SULF1: variants seen among roughly 807,000 people sequenced by gnomAD.
SULF1 encodes extracellular sulfatase Sulf-1.
Under a neutral mutation model 110.5 loss-of-function variants are expected in SULF1, and 46 were observed. The observed-to-expected ratio is 0.42, with a 90% CI of 0.33 to 0.53. The LOEUF (loss-of-function observed/expected upper bound fraction) is 0.53. SULF1 is among the 20% of genes least tolerant of loss of function. The pLI is 0.12. For missense variants in SULF1, 941 were observed against 1,094.2 expected, an observed-to-expected ratio of 0.86 and a Z score of 1.98; for synonymous variants, 371 against 387.1, an observed-to-expected ratio of 0.96 and a Z score of 0.49.
At chr8:69,625,792 G>A (rs1586580212) in intron 15 of SULF1, among the ~76,000 whole-genome samples, 1 of 152,204 alleles carries the variant, frequency 6.6e-6, no homozygotes, top group Non-Finnish European at 1.5e-5. Flanking sequence ...AGGGGACCCA[G>A]GCAGATTGCC....
At chr8:69,531,061 T>A (rs16936015) in intron 3 of SULF1, among the ~76,000 whole-genome samples, 10,588 of 152,188 alleles carry the variant, frequency 0.07, 817 homozygotes, top group East Asian at 0.41. Flanking sequence ...GAGGGTGATT[T>A]GTCCAAGAAT....
intron 3 of SULF1, among the ~76,000 whole-genome samples, chr8:69,509,445 C>T (rs1311759440): frequency 6.6e-6 from 1 of 152,070 alleles, no homozygotes; most frequent in African/African-American, 2.4e-5. Context: ...CTGGCTTAAG[C>T]CTTCAAAATA....
chr8:69,521,917 G>A (rs1812332087), intron 3 of SULF1, among the ~76,000 whole-genome samples: 2 of 151,586 alleles, frequency 1.3e-5, no homozygotes, highest in African/African-American at 2.4e-5. Context: ...AGCAATAGAA[G>A]TAGCAAAAGT....
chr8:69,497,415 C>G (rs1373439918), intron 2 of SULF1, among the ~76,000 whole-genome samples: 4 of 152,078 alleles, frequency 2.6e-5, no homozygotes, highest in African/African-American at 9.7e-5. Flanking sequence ...CTCACCCTCC[C>G]AAAGTGCTGG....
chr8:69,639,556 G>A (rs1489017530), intron 21 of SULF1, among the ~76,000 whole-genome samples: 2 of 152,198 alleles, frequency 1.3e-5, no homozygotes, highest in African/African-American at 4.8e-5. Context: ...CATGATGTCT[G>A]CAGAAATGTA....
chr8:69,616,165 C>CAT (rs1809111809), intron 13 of SULF1, among the ~76,000 whole-genome samples: 1 of 140,476 alleles, frequency 7.1e-6, no homozygotes, highest in Admixed American at 7.1e-5. Context: ...TGTATATATA[C>CAT]ATATATATGT....
At chr8:69,573,697 C>T (rs1289579387) in intron 5 of SULF1, among the ~76,000 whole-genome samples, 5 of 152,202 alleles carry the variant, frequency 3.3e-5, no homozygotes, top group Non-Finnish European at 7.3e-5. Context: ...ACCTTTCACC[C>T]TCTTTCCACT....
chr8:69,476,046 T>C (rs984735961), intron 1 of SULF1, among the ~76,000 whole-genome samples: 2 of 152,194 alleles, frequency 1.3e-5, no homozygotes, highest in Non-Finnish European at 2.9e-5. Context: ...ACTAAGAGAC[T>C]GTTAGTGGAG....
At chr8:69,634,743 G>T (rs1419784693) in intron 19 of SULF1, among the ~76,000 whole-genome samples, 1 of 150,066 alleles carries the variant, frequency 6.7e-6, no homozygotes. Flanking sequence ...CTGTCTCAAA[G>T]AAAAAAAAAG....
upstream of SULF1, among the ~76,000 whole-genome samples, chr8:69,491,005 C>T (rs1328827528): frequency 1.3e-5 from 2 of 152,074 alleles, no homozygotes; most frequent in Admixed American, 6.5e-5. Context: ...GAACTTGAGG[C>T]CAAAATTCTT....
In SULF1 at chr8:69,583,406, T is replaced by TA. The variant is rs5892206; in HGVS notation, c.413-2933dup. ...AATATGGTGAAACCCCATCTCTATTTAAAAAAAAAAAAAAAAAATTAGCCA... is the reference window on the plus strand; with the variant it reads ...AATATGGTGAAACCCCATCTCTATTTAAAAAAAAAAAAAAAAAAATTAGCCA... On this transcript the variant is annotated intron_variant, in intron 6 of 22. Transcript: ENST00000402687. 4.6e-3 allele frequency among the ~76,000 whole-genome samples: 632 copies of TA among 137,070 alleles called. 7 individuals are homozygous for TA. The highest frequency in any genetic ancestry group is 0.015 in the African/African-American group (556 of 37,180). The allele number at this position is 137,070 out of a possible 152,430, so 89.9% of individuals were successfully genotyped here.
chr8:69,513,758 C>T (rs1462738518), intron 3 of SULF1, among the ~76,000 whole-genome samples: 1 of 152,180 alleles, frequency 6.6e-6, no homozygotes, highest in Non-Finnish European at 1.5e-5. Context: ...TGCCCATGCC[C>T]TTGGTGTGGC....
intron 7 of SULF1, among the ~76,000 whole-genome samples, chr8:69,587,273 CTCT>C (rs1437532970): frequency 6.6e-6 from 1 of 152,202 alleles, no homozygotes; most frequent in Non-Finnish European, 1.5e-5. Flanking sequence ...CCATACCCAT[CTCT>C]TCTTCATTTA....
chr8:69,589,120 A>G lies in SULF1; in HGVS notation c.713A>G (p.Tyr238Cys). ...EDSAPQFSKLYPNASQHITPS... is the reference protein window; with the variant it reads ...EDSAPQFSKLCPNASQHITPS... ...TCAGCCCCACAGTTTTCTAAACTGT[A>G]CCCCAATGCTTCCCAACACATGTAA... Residue 238 changes from tyrosine (Y) to cysteine (C), a missense_variant, in exon 8 of 23, where the codon TAC becomes TGC. Transcript: ENST00000402687. 6.2e-7 allele frequency: 1 copy of G among 1,613,924 alleles called. No homozygotes were observed. The highest frequency in any genetic ancestry group is 8.5e-7 in the Non-Finnish European group (1 of 1,179,924).
In SULF1 at chr8:69,629,826, G is replaced by T. The variant is rs183546267; in HGVS notation, c.2284+147G>T. On this transcript the variant is annotated intron_variant, in intron 19 of 22. Coordinates refer to ENST00000402687, the MANE Select transcript of SULF1 (RefSeq NM_001128205.2). Reference sequence around the variant, plus strand: ...TCTACTCTATACTGGAAACTCAAATGATTTTGCCATGTATTACTGTTTTCT... The same window carrying T: ...TCTACTCTATACTGGAAACTCAAATTATTTTGCCATGTATTACTGTTTTCT... 3.6e-3 allele frequency: 2,674 copies of T among 745,278 alleles called. 14 individuals carry two copies. The highest frequency in any genetic ancestry group is 0.015 in the South Asian group (519 of 35,482). The allele number at this position is 745,278 out of a possible 1,614,324, so 46.2% of individuals were successfully genotyped here. A position where few individuals can be genotyped will look rare whatever the true frequency, so the allele number is the denominator to read the frequency against.
At chr8:69,516,191 C>T (rs114475102) in intron 3 of SULF1, among the ~76,000 whole-genome samples, 4,915 of 152,108 alleles carry the variant, frequency 0.032, 261 homozygotes, top group African/African-American at 0.11. Context: ...AAGAACTACC[C>T]GAGACTGAGT....
At chr8:69,489,571 CTT>C (rs61391745), upstream of SULF1, among the ~76,000 whole-genome samples, 224 of 91,964 alleles carry the variant, frequency 2.4e-3, 1 homozygote, top group South Asian at 7.6e-3. Flanking sequence ...CTTTCTTTCT[CTT>C]TTTTTTTTTT....
chr8:69,636,579 T>A (rs1006234535), intron 19 of SULF1, among the ~76,000 whole-genome samples: 1 of 152,102 alleles, frequency 6.6e-6, no homozygotes, highest in Admixed American at 6.5e-5. Flanking sequence ...AATGAACTCT[T>A]GGAAAGCATT....
chr8:69,623,911 T>C, intron 14 of SULF1, 31 bp from the exon 15 acceptor site: 4 of 1,588,848 alleles, frequency 2.5e-6, no homozygotes, highest in Non-Finnish European at 3.4e-6. Context: ...CATCAGGACA[T>C]CCATAGTAAT....
Sources: gnomAD v4.1 joint callset for allele counts (sites outside exome capture counted in the v4.1 genomes callset) on GRCh38, gnomAD v4.1.1 for gene constraint, MANE v1.5 for transcripts, NCBI Gene and HGNC (gene_info 2026-07-23, HGNC 2026-07-21) for gene names.